The following SLC20A2 variants were observed in gnomAD, a reference collection of about 807,000 sequenced individuals.
SLC20A2 encodes solute carrier family 20 member 2, also known as sodium-dependent phosphate transporter 2.
SLC20A2 carries 30 observed loss-of-function variants against 61.0 expected under a neutral mutation model. The ratio of observed to expected loss-of-function variants is 0.49; its 90% CI spans 0.37 to 0.67. The LOEUF (loss-of-function observed/expected upper bound fraction) is 0.67, where lower values mean the gene tolerates loss of function less well. Among genes scored for constraint, SLC20A2 ranks in the 30% least tolerant of loss-of-function variants. The pLI is 0.00. For synonymous variants in SLC20A2, 351 were observed against 353.3 expected (o/e 0.99, Z 0.07); for missense variants, 626 against 866.4 (o/e 0.72, Z 3.48).
At chr8:42,465,633 G>A in intron 3 of SLC20A2, 144 bp downstream of exon 3, 2 of 691,304 alleles carry the variant, frequency 2.9e-6, no homozygotes, top group Non-Finnish European at 4.5e-6. Context: ...GGAGGTTGCA[G>A]TGAGCCGAGA....
intron 1 of SLC20A2, among the ~76,000 whole-genome samples, chr8:42,528,793 A>G (rs1812142083): frequency 6.6e-6 from 1 of 151,654 alleles, no homozygotes; most frequent in African/African-American, 2.4e-5. Flanking sequence ...CAGCCTCCCG[A>G]GTAGCCAGGA....
At chr8:42,459,460 G>A (rs1401361886) in intron 5 of SLC20A2, among the ~76,000 whole-genome samples, 2 of 152,086 alleles carry the variant, frequency 1.3e-5, no homozygotes, top group African/African-American at 4.8e-5. Context: ...TGTGTGGACT[G>A]TCCCGCTCAC....
chr8:42,438,778 G>A (rs192128306), intron 7 of SLC20A2, among the ~76,000 whole-genome samples: 97 of 152,204 alleles, frequency 6.4e-4, no homozygotes, highest in Non-Finnish European at 1.0e-3. Context: ...GTGCAATGGC[G>A]CAATCTCGGC....
chr8:42,505,222 C>T (rs1156952906), upstream of SLC20A2, among the ~76,000 whole-genome samples: 1 of 152,052 alleles, frequency 6.6e-6, no homozygotes, highest in Non-Finnish European at 1.5e-5. Context: ...GATCCTCCCA[C>T]CTTAGCCTCC....
intron 7 of SLC20A2, among the ~76,000 whole-genome samples, chr8:42,439,152 T>C (rs916707895): frequency 1.3e-5 from 2 of 152,202 alleles, no homozygotes; most frequent in Admixed American, 6.5e-5. Flanking sequence ...TCCTGGGGCA[T>C]GGAGATCTGC....
intron 4 of SLC20A2, among the ~76,000 whole-genome samples, chr8:42,460,939 G>A (rs547825356): frequency 1.3e-5 from 2 of 152,156 alleles, no homozygotes; most frequent in African/African-American, 2.4e-5. Context: ...TCTAAAAATC[G>A]ATGACAGCAG....
intron 5 of SLC20A2, among the ~76,000 whole-genome samples, chr8:42,449,977 GCA>G (rs1421664066): frequency 6.6e-6 from 1 of 152,064 alleles, no homozygotes; most frequent in Non-Finnish European, 1.5e-5. Context: ...ACTTATGTGT[GCA>G]CACACATGCA....
At chr8:42,538,013 C>T (rs1432792464) in intron 1 of SLC20A2, 2 of 152,050 alleles carry the variant, frequency 1.3e-5, no homozygotes, top group African/African-American at 4.8e-5. Flanking sequence ...AATAATTGTA[C>T]CTACTTCAAA....
intron 1 of SLC20A2, among the ~76,000 whole-genome samples, chr8:42,488,666 C>T (rs1809245697): frequency 6.6e-6 from 1 of 152,162 alleles, no homozygotes. Context: ...ACCAATAGTG[C>T]ACAAGGGTTC....
At chr8:42,465,511 G>A (rs1807084598) in intron 3 of SLC20A2, among the ~76,000 whole-genome samples, 1 of 151,826 alleles carries the variant, frequency 6.6e-6, no homozygotes, top group Non-Finnish European at 1.5e-5. Context: ...GGCCAACATG[G>A]TGAAACCTCA....
At chr8:42,461,728 A>T (rs1197075260) in intron 4 of SLC20A2, among the ~76,000 whole-genome samples, 1 of 151,422 alleles carries the variant, frequency 6.6e-6, no homozygotes, top group Non-Finnish European at 1.5e-5. Context: ...TAGTCTTGAA[A>T]CTCATTGACA....
In SLC20A2 at chr8:42,507,300, T is replaced by G. The variant is rs1441681694; in HGVS notation, c.-265+34521A>C. On this transcript the variant is annotated intron_variant, in intron 1 of 10. Transcript: ENST00000342228. Reference sequence around the variant, plus strand: ...TCCACAGCGATGCAGTCTTCACACTTCAGAAACGGACTCAGTTCACATACA... The same window carrying G: ...TCCACAGCGATGCAGTCTTCACACTGCAGAAACGGACTCAGTTCACATACA... Among the ~76,000 whole-genome samples the G allele has an allele frequency of 2.6e-5, 4 of 151,748 alleles. No individual in the cohort carries two copies. In the South Asian group the frequency reaches 8.3e-4, roughly 32 times the overall value.
At chr8:42,468,038 G>C (rs1168344153) in intron 2 of SLC20A2, among the ~76,000 whole-genome samples, 1 of 151,856 alleles carries the variant, frequency 6.6e-6, no homozygotes, top group Non-Finnish European at 1.5e-5. Flanking sequence ...GAGTAGCTGG[G>C]ACTACAGGTG....
intron 5 of SLC20A2, among the ~76,000 whole-genome samples, chr8:42,452,368 G>C (rs1044102728): frequency 1.5e-5 from 2 of 136,410 alleles, no homozygotes; most frequent in African/African-American, 6.0e-5. Context: ...AGGAGGAAGA[G>C]ATAAAGAGGA....
At chr8:42,490,884 ACTCTTTTAAAAACCTTTATAACAGATGAG>A (rs1318250097) in intron 1 of SLC20A2, among the ~76,000 whole-genome samples, 1 of 151,278 alleles carries the variant, frequency 6.6e-6, no homozygotes, top group Non-Finnish European at 1.5e-5. Flanking sequence ...TAAGGCAATC[ACTCTTTTAAAAACCTTTATAACAGATGAG>A]CTCTTTTATA....
At chr8:42,469,404 AC>A (rs1351542761) in intron 2 of SLC20A2, among the ~76,000 whole-genome samples, 4 of 152,218 alleles carry the variant, frequency 2.6e-5, no homozygotes, top group African/African-American at 7.2e-5. Context: ...GCTTTGGTAA[AC>A]CCAAATTCTA....
intron 1 of SLC20A2, among the ~76,000 whole-genome samples, chr8:42,495,747 T>TC (rs938401404): frequency 1.0e-4 from 15 of 149,340 alleles, no homozygotes; most frequent in South Asian, 8.5e-4. Flanking sequence ...TACAGATCCC[T>TC]CCCCCTTTTT....
In SLC20A2 at chr8:42,472,280, C is replaced by T; in HGVS notation, c.111G>A (p.Val37=). The change falls in exon 2 of 11, where the codon GTG becomes GTA. Residue 37 remains valine, a synonymous_variant. Coordinates refer to ENST00000520262, the MANE Select transcript of SLC20A2 (RefSeq NM_001257180.2). This position sits in a 1 kb window ranked among gnomAD's most constrained non-coding sequence, Gnocchi z 4.1. ...NDVANSFGTA[V]GSGVVTLRQA... is the part of the protein sequence containing the mutation. ...GCCTCAAGGTCACCACACCAGAGCC[C>T]ACGGCTGTACCAAAGGAGTTGGCAA... 1 of 1,614,102 alleles carries T rather than the reference C, an allele frequency of 6.2e-7. No homozygotes were observed.
At position 42,465,807 on chromosome 8, in the gene SLC20A2, C is replaced by CG; in HGVS notation, c.399_400insC (p.Gly134ArgfsTer124). ...TTGACAAGCTCCATCCACTGCACAC[C>CG]TTTGGTACCGATTGCGACCAGTGAG... On this transcript the variant is annotated frameshift_variant, in exon 3 of 11. Transcript: ENST00000520262. LOFTEE classifies it high-confidence loss of function. 1.2e-6 allele frequency: 2 copies of CG among 1,613,514 alleles called. No individual in the cohort carries two copies. The highest frequency in any genetic ancestry group is 1.7e-6 in the Non-Finnish European group (2 of 1,179,796).
Sources: allele counts gnomAD v4.1 joint callset (sites outside exome capture counted in the v4.1 genomes callset), GRCh38; gene constraint gnomAD v4.1.1; non-coding constraint Gnocchi (gnomAD v3.1); transcripts MANE v1.5; gene names NCBI Gene and HGNC (gene_info 2026-07-23, HGNC 2026-07-21).